PCLO: variants seen among roughly 807,000 people sequenced by gnomAD.
PCLO encodes protein piccolo.
In PCLO, 82 loss-of-function variants were observed where a neutral mutation model predicts 427.5. The observed-to-expected ratio is 0.19, with a 90% CI of 0.16 to 0.23. PCLO has a LOEUF of 0.23. PCLO is among the 10% of genes least tolerant of loss of function. The probability of loss-of-function intolerance (pLI) is 1.00; values close to 1 mark genes in which losing one functional copy is unlikely to be tolerated. For synonymous variants in PCLO, 2,357 were observed against 2,155.4 expected, an observed-to-expected ratio of 1.09 and a Z score of -2.59; for missense variants, 6,239 against 6,115.9, an observed-to-expected ratio of 1.02 and a Z score of -0.67.
At chr7:82,837,551 G>A (rs1008384217) in intron 15 of PCLO, among the ~76,000 whole-genome samples, 2 of 151,898 alleles carry the variant, frequency 1.3e-5, no homozygotes, top group African/African-American at 4.8e-5. Flanking sequence ...CTATCCTTGA[G>A]TACTGACTTA....
At chr7:82,970,317 A>G (rs6963431) in intron 3 of PCLO, among the ~76,000 whole-genome samples, 1 of 151,946 alleles carries the variant, frequency 6.6e-6, no homozygotes. Flanking sequence ...ACTGTAATCC[A>G]GTGAAGGTTT....
rs1394946042 is a variant in PCLO at position 82,950,070 on chromosome 7, C to T, written c.10518G>A (p.Lys3506=). The T allele has an allele frequency of 1.1e-5, 17 of 1,611,450 alleles. No individual in the cohort carries two copies. The highest frequency in any genetic ancestry group is 1.7e-5 in the Admixed American group (1 of 59,584). ...KYGDSMTEAD[K]TKPLSKVSSI... ...TGGAGACTTTGGAAAGGGGTTTGGT[C>T]TTGTCAGCCTCTGTCATGCTGTCAC... Residue 3506 remains lysine, a synonymous_variant, in exon 6 of 25, where the codon AAG becomes AAA. Transcript: ENST00000333891.
At chr7:82,909,248 C>T (rs1294846354) in intron 7 of PCLO, among the ~76,000 whole-genome samples, 1 of 151,998 alleles carries the variant, frequency 6.6e-6, no homozygotes, top group Non-Finnish European at 1.5e-5. Flanking sequence ...CAGATGTTCA[C>T]AATCTCAGAG....
In PCLO at chr7:83,154,983, T is replaced by C. The variant is rs1792231609; in HGVS notation, c.1658A>G (p.Gln553Arg). 1.2e-6 allele frequency: 2 copies of C among 1,614,030 alleles called. No individual in the cohort carries two copies. Among genetic ancestry groups the C allele is most frequent in the Admixed American group, 1.7e-5 (1 of 60,032 alleles). ...TGTTTGGCTTACTGGTTTTGTAGAT[T>C]GCTGAGCCGAGGGCTTTGCTGGGCT... ...QPSPAKPSAQ[Q>R]STKPVSQTGS... is the part of the protein sequence containing the mutation. The change falls in exon 2 of 25, where the codon CAA becomes CGA. Residue 553 changes from glutamine to arginine, a missense_variant. Transcript: ENST00000333891.
intron 16 of PCLO, among the ~76,000 whole-genome samples, chr7:82,828,708 C>A (rs1326265833): frequency 6.6e-6 from 1 of 152,086 alleles, no homozygotes; most frequent in East Asian, 1.9e-4. Flanking sequence ...TGAAGTCTGG[C>A]AGAACATCTA....
Position 82,816,458 on chromosome 7 carries a change from C to G in PCLO, c.14791+6037G>C, listed in dbSNP as rs1258079930. Among the ~76,000 whole-genome samples, 3 of 152,084 alleles carry G rather than the reference C, an allele frequency of 2.0e-5. No individual in the cohort carries two copies. The East Asian group carries it at 5.8e-4, about 29-fold the overall frequency. ...CATTGCCCTCCCCCATCAGCATTTA[C>G]TTGCCTGTCTTACTTCCACAGGTCC... On this transcript the variant is annotated intron_variant, in intron 20 of 24. Transcript: ENST00000333891.
At chr7:82,762,370 T>C (rs918033560) in intron 22 of PCLO, among the ~76,000 whole-genome samples, 1 of 152,030 alleles carries the variant, frequency 6.6e-6, no homozygotes, top group African/African-American at 2.4e-5. Flanking sequence ...GAGAAATAAA[T>C]GCCTATGTGA....
Position 83,155,522 on chromosome 7 carries a change from A to C in PCLO, c.1119T>G (p.Ala373=), listed in dbSNP as rs1406691004. 3.1e-6 allele frequency: 5 copies of C among 1,612,524 alleles called. No homozygotes were observed. The highest frequency in any genetic ancestry group is 3.4e-6 in the Non-Finnish European group (4 of 1,179,180). The part of the protein sequence containing the change: ...AQPLGPAKPP[A]QQTGSEKPSS... Reference sequence around the variant, plus strand: ...AAGGCTTCTCTGACCCAGTCTGCTGAGCTGGAGGCTTAGCAGGACCAAGAG... The same window carrying C: ...AAGGCTTCTCTGACCCAGTCTGCTGCGCTGGAGGCTTAGCAGGACCAAGAG... Residue 373 remains alanine, a synonymous_variant, in exon 2 of 25, where the codon GCT becomes GCG. Transcript: ENST00000333891.
rs1203280543 is a variant in PCLO at position 82,942,947 on chromosome 7, C to T, written c.11112+6529G>A. ...TTTAATAGATTGCTTTCTTATATTG[C>T]TTTTCAAAGAGAATAATGAAAAATA... is the stretch of plus-strand genomic sequence containing the variant. On this transcript the variant is annotated intron_variant, in intron 6 of 24. Coordinates refer to ENST00000333891, the MANE Select transcript of PCLO (RefSeq NM_033026.6). Among the ~76,000 whole-genome samples, 5 of 151,882 alleles carry T rather than the reference C, an allele frequency of 3.3e-5. No homozygotes were observed. In the South Asian group the frequency reaches 8.3e-4, roughly 25 times the overall value.
Position 82,954,756 on chromosome 7 carries a change from T to G in PCLO, c.6197A>C (p.Glu2066Ala), listed in dbSNP as rs1425588170. 6.2e-7 allele frequency: 1 copy of G among 1,613,798 alleles called. No individual in the cohort carries two copies. Among genetic ancestry groups the G allele is most frequent in the East Asian group, 2.2e-5 (1 of 44,856 alleles). The change falls in exon 5 of 25, where the codon GAA becomes GCA. Residue 2066 changes from glutamate (E) to alanine (A), a missense_variant. Transcript: ENST00000333891. ...RKLLDADAAY[E>A]ELMKRQQMQL... ...CATCTGTTGCCTCTTCATAAGTTCT[T>G]CATAGGCAGCATCAGCATCTAGTAG...
intron 3 of PCLO, among the ~76,000 whole-genome samples, chr7:83,038,003 A>ATCTT (rs1400410650): frequency 2.7e-5 from 1 of 36,532 alleles, no homozygotes; most frequent in Non-Finnish European, 4.1e-5. Context: ...ATATATATAT[A>ATCTT]TATATATATA....
chr7:82,776,835 T>TAA (rs1554331165), intron 22 of PCLO, among the ~76,000 whole-genome samples: 2 of 150,282 alleles, frequency 1.3e-5, no homozygotes, highest in African/African-American at 2.5e-5. Flanking sequence ...TCTCTATATA[T>TAA]ACACACACAC....
rs2116229887 is a variant in PCLO, at chr7:82,908,902, C to A, written c.13412G>T (p.Arg4471Ile). The A allele has an allele frequency of 6.2e-7, 1 of 1,612,768 alleles. No individual in the cohort carries two copies. Residue 4471 changes from arginine to isoleucine, a missense_variant, in exon 8 of 25, where the codon AGA (arginine) becomes ATA (isoleucine). Arg to Ile is a moderately conservative substitution (Grantham distance 97, BLOSUM62 -3). Coordinates refer to ENST00000333891, the MANE Select transcript of PCLO (RefSeq NM_033026.6). Reference protein sequence around the residue: ...RKLPERLVHSRPLSQHQEQII... With the variant: ...RKLPERLVHSIPLSQHQEQII... ...TTGCTCTTGATGTTGACTGAGTGGT[C>A]TAGAGTGGACCAATCTTTCCGGCAG...
At chr7:82,966,981 T>C (rs1795790713) in intron 3 of PCLO, among the ~76,000 whole-genome samples, 1 of 152,120 alleles carries the variant, frequency 6.6e-6, no homozygotes, top group African/African-American at 2.4e-5. Context: ...CCAAATATAG[T>C]TCTACCTTTC....
At chr7:82,947,728 G>T (rs1402547347) in intron 6 of PCLO, among the ~76,000 whole-genome samples, 1 of 151,996 alleles carries the variant, frequency 6.6e-6, no homozygotes, top group Non-Finnish European at 1.5e-5. Flanking sequence ...TCAGATTCTG[G>T]GTATTATTTG....
rs187769661 is a variant in PCLO at position 82,943,160 on chromosome 7, T to A, written c.11112+6316A>T. Among the ~76,000 whole-genome samples the A allele has an allele frequency of 1.7e-3, 259 of 152,260 alleles. 1 individual carries two copies. Among genetic ancestry groups the A allele is most frequent in the Middle Eastern group, 0.017 (5 of 294 alleles). Reference sequence around the variant, plus strand: ...AAATAGCTATCAAAACAGCAATCAGTGGAGCAAAGCATATTCTTGTAAAAA... The same window carrying A: ...AAATAGCTATCAAAACAGCAATCAGAGGAGCAAAGCATATTCTTGTAAAAA... On this transcript the variant is annotated intron_variant, in intron 6 of 24. Transcript: ENST00000333891.
chr7:82,953,833 A>T lies in PCLO; in HGVS notation c.7120T>A (p.Ser2374Thr). The change falls in exon 5 of 25, where the codon TCT (serine) becomes ACT (threonine). Residue 2374 changes from serine to threonine, a missense_variant. Around this residue, in one of 5 missense-constraint regions of PCLO, gnomAD observed 4,677 missense variants for 4,468.4 expected, o/e 1.05. Transcript: ENST00000333891. Reference protein sequence around the residue: ...GETFGQEKPASQLPSGSPSVS... With the variant: ...GETFGQEKPATQLPSGSPSVS... ...GAAGGACTGCCAGATGGTAACTGAG[A>T]TGCAGGTTTTTCCTGACCAAAGGTC... The T allele has an allele frequency of 6.2e-7, 1 of 1,612,772 alleles. No homozygotes were observed. The highest frequency in any genetic ancestry group is 8.5e-7 in the Non-Finnish European group (1 of 1,179,228).
chr7:82,953,503 G>C lies in PCLO; in HGVS notation c.7450C>G (p.Pro2484Ala), dbSNP rs768632415. Residue 2484 changes from proline (P) to alanine (A), a missense_variant, in exon 5 of 25, where the codon CCT becomes GCT. Physicochemically the swap from Pro to Ala is conservative, Grantham distance 27. Coordinates refer to ENST00000333891, the MANE Select transcript of PCLO (RefSeq NM_033026.6). The part of the protein sequence containing the change: ...PVTRICTTAP[P>A]PVPPKPSSIP... Reference sequence around the variant, plus strand: ...GAAGATGGCTTAGGAGGAACAGGAGGAGGTGCAGTAGTACATATTCTTGTA... The same window carrying C: ...GAAGATGGCTTAGGAGGAACAGGAGCAGGTGCAGTAGTACATATTCTTGTA... The C allele has an allele frequency of 6.2e-7, 1 of 1,613,612 alleles. No individual in the cohort carries two copies. Among genetic ancestry groups the C allele is most frequent in the Admixed American group, 1.7e-5 (1 of 59,946 alleles).
chr7:82,789,282 T>A (rs1047860784), intron 22 of PCLO, among the ~76,000 whole-genome samples: 1 of 152,196 alleles, frequency 6.6e-6, no homozygotes, highest in Non-Finnish European at 1.5e-5. Context: ...CTGTAAAAAA[T>A]AGTTGAATCA....
Sources: allele counts gnomAD v4.1 joint callset (sites outside exome capture counted in the v4.1 genomes callset), GRCh38; gene constraint gnomAD v4.1.1; regional missense constraint gnomAD v4.1.1; transcripts MANE v1.5; gene names NCBI Gene and HGNC (gene_info 2026-07-23, HGNC 2026-07-21).